TRHDE: variants seen among roughly 807,000 people sequenced by gnomAD.
TRHDE encodes thyrotropin releasing hormone degrading enzyme.
TRHDE carries 72 observed loss-of-function variants against 125.7 expected under a neutral mutation model. The ratio of observed to expected loss-of-function variants is 0.57; its 90% CI spans 0.47 to 0.70. The LOEUF is 0.70. TRHDE is among the 30% of genes least tolerant of loss of function. The pLI is 0.00. For missense variants in TRHDE, 1,110 were observed against 1,327.1 expected, an observed-to-expected ratio of 0.84 and a Z score of 2.54; for synonymous variants, 509 against 509.1, an observed-to-expected ratio of 1.00 and a Z score of 0.00.
In TRHDE at chr12:72,310,940, G is replaced by C. The variant is rs141484461; in HGVS notation, c.1188+23986G>C. Among the ~76,000 whole-genome samples, 385 of 152,126 alleles carry C rather than the reference G, an allele frequency of 2.5e-3. 1 individual carries two copies. Among genetic ancestry groups the C allele is most frequent in the African/African-American group, 8.8e-3 (366 of 41,520 alleles). On this transcript the variant is annotated intron_variant, in intron 2 of 18. Coordinates refer to ENST00000261180, the MANE Select transcript of TRHDE (RefSeq NM_013381.3). Reference sequence around the variant, plus strand: ...TGGAGTATTATTGGAGAAAAAATCAGAGCATATTTTGTCACTCTGGCCCCT... The same window carrying C: ...TGGAGTATTATTGGAGAAAAAATCACAGCATATTTTGTCACTCTGGCCCCT...
At chr12:72,454,989 C>T (rs1003214276) in intron 3 of TRHDE, among the ~76,000 whole-genome samples, 1 of 152,144 alleles carries the variant, frequency 6.6e-6, no homozygotes, top group African/African-American at 2.4e-5. Flanking sequence ...GGATCTTAGG[C>T]TTCCCCAAAC....
Position 72,662,993 on chromosome 12 carries a change from T to G in TRHDE, c.3067-59T>G, listed in dbSNP as rs1017069533. 4.0e-6 allele frequency: 6 copies of G among 1,511,432 alleles called. No homozygotes were observed. The Admixed American group carries it at 6.1e-5, about 15-fold the overall frequency. 93.6% of individuals were successfully genotyped at this position (1,511,432 alleles called of 1,614,324 possible). ...TCAAATAGATTCTTGTTCATGTTTG[T>G]TGGACATGAGTTCTTTTTAAGACAG... On this transcript the variant is annotated intron_variant, in intron 18 of 18. Transcript: ENST00000261180.
intron 2 of TRHDE, among the ~76,000 whole-genome samples, chr12:72,320,347 C>G (rs1220430306): frequency 6.6e-6 from 1 of 152,022 alleles, no homozygotes. Flanking sequence ...TAAGTTATCT[C>G]TAGATTACCT....
In TRHDE at chr12:72,155,102, CT is replaced by C. The variant is rs550269244; in HGVS notation, n.279+49356del. On this transcript the variant is annotated intron_variant and non_coding_transcript_variant, in intron 2 of 4. Transcript: ENST00000548156. The stretch of plus-strand genomic sequence containing the variant: ...GAGGTTTTGTTCATTTCTTTTTATT[CT>C]TTTTTCTCTAAACTTCTCTTCTCAC... 2.7e-3 allele frequency among the ~76,000 whole-genome samples: 410 copies of C among 152,222 alleles called. 1 individual carries two copies. Among genetic ancestry groups the C allele is most frequent in the South Asian group, 9.7e-3 (47 of 4,822 alleles).
chr12:72,137,041 G>A (rs1364328700), intron 2 of TRHDE, among the ~76,000 whole-genome samples: 1 of 152,172 alleles, frequency 6.6e-6, no homozygotes, highest in Non-Finnish European at 1.5e-5. Flanking sequence ...AAACAGAACA[G>A]ATTTTCCATT....
At chr12:72,490,436 A>T (rs1230563955) in intron 5 of TRHDE, among the ~76,000 whole-genome samples, 1 of 151,864 alleles carries the variant, frequency 6.6e-6, no homozygotes, top group Admixed American at 6.6e-5. Flanking sequence ...TTAAAAATAG[A>T]ACTACCACAT....
At chr12:72,392,049 C>T (rs193116546) in intron 3 of TRHDE, among the ~76,000 whole-genome samples, 1 of 152,228 alleles carries the variant, frequency 6.6e-6, no homozygotes, top group East Asian at 1.9e-4. Context: ...CTCTGTGTCT[C>T]TGCCATGTGA....
chr12:72,431,188 A>C (rs1220114950), intron 3 of TRHDE, among the ~76,000 whole-genome samples: 1 of 152,054 alleles, frequency 6.6e-6, no homozygotes, highest in African/African-American at 2.4e-5. Flanking sequence ...GTTTATTTTA[A>C]TAGTACACTT....
At chr12:72,408,603 T>A (rs1873363978) in intron 3 of TRHDE, among the ~76,000 whole-genome samples, 1 of 152,112 alleles carries the variant, frequency 6.6e-6, no homozygotes, top group Non-Finnish European at 1.5e-5. Flanking sequence ...AGACTTGATA[T>A]TATGATTATA....
chr12:72,564,503 A>T (rs1870336289), intron 9 of TRHDE, among the ~76,000 whole-genome samples: 1 of 152,124 alleles, frequency 6.6e-6, no homozygotes, highest in African/African-American at 2.4e-5. Context: ...TTTGAACAAA[A>T]ATATTCTGTC....
intron 2 of TRHDE, among the ~76,000 whole-genome samples, chr12:72,350,465 A>G (rs1870532693): frequency 6.6e-6 from 1 of 152,056 alleles, no homozygotes; most frequent in East Asian, 1.9e-4. Flanking sequence ...TTTGTAAGAA[A>G]CTGAGACTCA....
At chr12:72,657,144 A>G in intron 18 of TRHDE, 136 bp downstream of exon 18, 1 of 597,174 alleles carries the variant, frequency 1.7e-6, no homozygotes. Context: ...ACACACACAC[A>G]CGTTAAAGAC....
intron 2 of TRHDE, among the ~76,000 whole-genome samples, chr12:72,296,709 C>G (rs546239565): frequency 3.3e-5 from 5 of 151,382 alleles, no homozygotes; most frequent in African/African-American, 1.2e-4. Flanking sequence ...GCTACATGGC[C>G]AGGTCAGAAG....
chr12:72,654,782 CT>C (rs1235922533), intron 17 of TRHDE, among the ~76,000 whole-genome samples: 1 of 152,040 alleles, frequency 6.6e-6, no homozygotes, highest in African/African-American at 2.4e-5. Context: ...TTATTCCTCT[CT>C]TTTTTTGTGA....
At chr12:72,426,529 G>A (rs550818641) in intron 3 of TRHDE, among the ~76,000 whole-genome samples, 19 of 152,098 alleles carry the variant, frequency 1.2e-4, no homozygotes, top group African/African-American at 4.1e-4. Flanking sequence ...AGCTTAAGAG[G>A]TAGGAACTAT....
intron 3 of TRHDE, among the ~76,000 whole-genome samples, chr12:72,386,294 C>T (rs1872412309): frequency 6.6e-6 from 1 of 152,268 alleles, no homozygotes; most frequent in South Asian, 2.1e-4. Context: ...TACAGCTTTG[C>T]AATTAAGTTA....
chr12:72,363,723 C>T (rs1246857511), intron 2 of TRHDE, among the ~76,000 whole-genome samples: 1 of 152,042 alleles, frequency 6.6e-6, no homozygotes, highest in Non-Finnish European at 1.5e-5. Flanking sequence ...GACAGGGATG[C>T]CCTCTCTCAC....
chr12:72,631,089 A>T (rs1873477259), intron 15 of TRHDE, among the ~76,000 whole-genome samples: 2 of 151,300 alleles, frequency 1.3e-5, no homozygotes, highest in South Asian at 4.2e-4. Context: ...TATTATATTT[A>T]ATTTTCATAT....
chr12:72,252,440 A>G (rs927952289), intron 2 of TRHDE, among the ~76,000 whole-genome samples: 2 of 152,034 alleles, frequency 1.3e-5, no homozygotes, highest in African/African-American at 4.8e-5. Context: ...TTGGAAAACA[A>G]TCAGTTGGAA....
Sources: allele counts gnomAD v4.1 joint callset (sites outside exome capture counted in the v4.1 genomes callset), GRCh38; gene constraint gnomAD v4.1.1; transcripts MANE v1.5; gene names NCBI Gene and HGNC (gene_info 2026-07-23, HGNC 2026-07-21).